The following MRPS21 variants were observed in gnomAD, a reference collection of about 807,000 sequenced individuals.
MRPS21 encodes the protein small ribosomal subunit protein bS21m.
MRPS21 carries 8 observed loss-of-function variants against 9.9 expected under a neutral mutation model. That is an observed-to-expected ratio of 0.81 (90% CI 0.47 to 1.45). The LOEUF is 1.45. MRPS21 is among the 40% of genes most tolerant of loss of function. The pLI, the probability that MRPS21 is intolerant of heterozygous loss-of-function variation, is 0.00. For missense variants in MRPS21, 101 were observed against 118.9 expected, an observed-to-expected ratio of 0.85 and a Z score of 0.70; for synonymous variants, 40 against 40.3, an observed-to-expected ratio of 0.99 and a Z score of 0.03.
chr1:150,302,387 TG>T (rs1388895816), intron 2 of MRPS21, among the ~76,000 whole-genome samples: 2 of 152,126 alleles, frequency 1.3e-5, no homozygotes, highest in Non-Finnish European at 2.9e-5. Context: ...CATGATTGGC[TG>T]GCCCCCAAGC....
chr1:150,297,553 C>T (rs1422509522), intron 2 of MRPS21, among the ~76,000 whole-genome samples: 1 of 151,980 alleles, frequency 6.6e-6, no homozygotes, highest in Non-Finnish European at 1.5e-5. Flanking sequence ...CGCCTGTAAT[C>T]TCAGCTACTT....
intron 2 of MRPS21, among the ~76,000 whole-genome samples, chr1:150,294,726 G>A (rs145310935): frequency 0.025 from 3,832 of 151,398 alleles, 152 homozygotes; most frequent in African/African-American, 0.087. Flanking sequence ...TGGTGAAACC[G>A]TGTCTCTACT....
At chr1:150,300,669 C>T (rs868909553) in intron 2 of MRPS21, among the ~76,000 whole-genome samples, 19 of 152,154 alleles carry the variant, frequency 1.2e-4, no homozygotes, top group African/African-American at 4.3e-4. Flanking sequence ...TTATGGGTAA[C>T]ACCCCCACTC....
chr1:150,306,229 C>G (rs1553858489), intron 2 of MRPS21, among the ~76,000 whole-genome samples: 1 of 152,218 alleles, frequency 6.6e-6, no homozygotes, highest in Non-Finnish European at 1.5e-5. Context: ...AGGATCCCTT[C>G]ACAACCACTT....
At chr1:150,297,664 C>CA (rs71652043) in intron 2 of MRPS21, among the ~76,000 whole-genome samples, 32,601 of 149,470 alleles carry the variant, frequency 0.22, 3,984 homozygotes, top group African/African-American at 0.29. Context: ...GAGTAAGACT[C>CA]AAAAAAAAAA....
intron 2 of MRPS21, chr1:150,304,328 T>C (rs1553858175): frequency 9.4e-6 from 2 of 211,682 alleles, no homozygotes; most frequent in Non-Finnish European, 9.5e-6. Flanking sequence ...AAAAAAATGG[T>C]GCCATGGTGT....
chr1:150,302,061 C>T (rs72696807), intron 2 of MRPS21, among the ~76,000 whole-genome samples: 1 of 152,228 alleles, frequency 6.6e-6, no homozygotes, highest in African/African-American at 2.4e-5. Context: ...AATGTCCTCT[C>T]TCTAGCCACT....
intron 2 of MRPS21, among the ~76,000 whole-genome samples, chr1:150,307,369 T>TTTTTTTC (rs1654379316): frequency 6.5e-5 from 1 of 15,286 alleles, no homozygotes; most frequent in Non-Finnish European, 1.0e-4. Context: ...TTTTTTTTTT[T>TTTTTTTC]TCCTTTGAGT....
intron 1 of MRPS21, 112 bp downstream of exon 1, chr1:150,294,010 CAACT>C: frequency 3.9e-6 from 1 of 257,336 alleles, no homozygotes; most frequent in South Asian, 4.3e-5. Flanking sequence ...CCCCAACTCC[CAACT>C]CAACCCCTTT....
rs1484567403 is a variant in MRPS21 at position 150,307,770 on chromosome 1, G to C, written c.84-278G>C. On this transcript the variant is annotated intron_variant, in intron 2 of 2. Coordinates refer to ENST00000614145, the MANE Select transcript of MRPS21 (RefSeq NM_031901.6). ...ATTATTTTTATTTTTTGTAGAAACAGGGTTTTGCCATGTTGCCTAGGCTGG... is the reference window on the plus strand; with the variant it reads ...ATTATTTTTATTTTTTGTAGAAACACGGTTTTGCCATGTTGCCTAGGCTGG... Among the ~76,000 whole-genome samples, 19 of 152,040 alleles carry C rather than the reference G, an allele frequency of 1.2e-4. 1 individual carries two copies. Among genetic ancestry groups the C allele is most frequent in the Admixed American group, 1.2e-3 (19 of 15,236 alleles).
rs1403449524 is a variant in MRPS21, at chr1:150,308,933, GA to G, written c.*706del. The G allele has an allele frequency of 6.5e-6, 1 of 154,698 alleles. No homozygotes were observed. The highest frequency in any genetic ancestry group is 1.5e-5 in the Non-Finnish European group (1 of 68,196). The allele number at this position is 154,698 out of a possible 1,614,324, so 9.6% of individuals were successfully genotyped here. On this transcript the variant is annotated 3_prime_UTR_variant, in exon 3 of 3. Transcript: ENST00000614145. ...CTGAACTATACCCTTAAATGGTCAC[GA>G]TGGTAAATTTTGTGTTTTACTACAA... is the stretch of plus-strand genomic sequence containing the variant.
chr1:150,302,552 G>A (rs1323931187), intron 2 of MRPS21, among the ~76,000 whole-genome samples: 2 of 152,098 alleles, frequency 1.3e-5, no homozygotes, highest in Non-Finnish European at 2.9e-5. Context: ...ACCTCCCCCC[G>A]CTCCAGGCAG....
chr1:150,294,582 G>A (rs1365246794), intron 2 of MRPS21, 133 bp downstream of exon 2: 7 of 751,748 alleles, frequency 9.3e-6, no homozygotes, highest in Non-Finnish European at 1.6e-5. Context: ...AAACGTCTCA[G>A]CCCCTCAGTT....
chr1:150,302,524 T>A (rs1174375169), intron 2 of MRPS21, among the ~76,000 whole-genome samples: 1 of 152,178 alleles, frequency 6.6e-6, no homozygotes, highest in African/African-American at 2.4e-5. Context: ...TACACTGACA[T>A]GTGAGTCTGC....
intron 2 of MRPS21, among the ~76,000 whole-genome samples, chr1:150,307,050 A>ATTT (rs10561928): frequency 0.52 from 77,237 of 148,702 alleles, 20,977 homozygotes; most frequent in Non-Finnish European, 0.61. Context: ...TATTTCCCCA[A>ATTT]TTTTTTTTTT....
At chr1:150,294,558 T>G (rs1653843794) in intron 2 of MRPS21, 109 bp downstream of exon 2, 1 of 930,040 alleles carries the variant, frequency 1.1e-6, no homozygotes, top group Non-Finnish European at 1.7e-6. Context: ...AGCCCAGGTG[T>G]TCACAGTCTC....
At chr1:150,298,361 ATCT>A (rs1380556672) in intron 2 of MRPS21, among the ~76,000 whole-genome samples, 1 of 152,100 alleles carries the variant, frequency 6.6e-6, no homozygotes, top group Non-Finnish European at 1.5e-5. Context: ...CTCCCTGTAA[ATCT>A]TCTTCTGTAT....
intron 2 of MRPS21, chr1:150,305,101 C>A: frequency 3.7e-6 from 1 of 269,626 alleles, no homozygotes; most frequent in Non-Finnish European, 7.4e-6. Flanking sequence ...ACAATCATGG[C>A]TCACTGCAGT....
In MRPS21 at chr1:150,294,331, T is replaced by A; in HGVS notation, c.-32-4T>A. 1 of 1,565,204 alleles carries A rather than the reference T, an allele frequency of 6.4e-7. No homozygotes were observed. Among genetic ancestry groups the A allele is most frequent in the Non-Finnish European group, 8.8e-7 (1 of 1,137,292 alleles). ...TTCCTCGCCCTTTCTCCATCATCCT[T>A]TAGGCTCTACAGAGTGAAGGTTTAA... On this transcript the variant is annotated splice_region_variant and splice_polypyrimidine_tract_variant and intron_variant, in intron 1 of 2. Transcript: ENST00000614145.
Sources: allele counts gnomAD v4.1 joint callset (sites outside exome capture counted in the v4.1 genomes callset), GRCh38; gene constraint gnomAD v4.1.1; transcripts MANE v1.5; gene names NCBI Gene and HGNC (gene_info 2026-07-23, HGNC 2026-07-21).